The following ATP13A4 variants were observed in gnomAD, a reference collection of about 807,000 sequenced individuals.
The protein encoded by ATP13A4 is ATPase 13A4.
In ATP13A4, 114 loss-of-function variants were observed where a neutral mutation model predicts 142.5. The ratio of observed to expected loss-of-function variants is 0.80; its 90% CI spans 0.69 to 0.93. The LOEUF (loss-of-function observed/expected upper bound fraction) is 0.93, where lower values mean the gene tolerates loss of function less well. ATP13A4 is among the 40% of genes least tolerant of loss of function. ATP13A4 has a pLI of 0.00. For synonymous variants in ATP13A4, 488 were observed against 514.8 expected (o/e 0.95, Z 0.70); for missense variants, 1,392 against 1,454.0 (o/e 0.96, Z 0.69).
At chr3:193,516,778 TGCA>T (rs1560249068) in intron 1 of ATP13A4, among the ~76,000 whole-genome samples, 2 of 152,224 alleles carry the variant, frequency 1.3e-5, no homozygotes, top group African/African-American at 2.4e-5. Context: ...TCTGTTACTA[TGCA>T]TTCTTTTTTG....
chr3:193,438,059 C>G (rs999595006), intron 23 of ATP13A4, among the ~76,000 whole-genome samples: 3 of 152,080 alleles, frequency 2.0e-5, no homozygotes, highest in African/African-American at 4.8e-5. Flanking sequence ...GTCTCAATCT[C>G]CTGACCTCGT....
At chr3:193,417,195 T>C (rs1000496343) in intron 25 of ATP13A4, 1 of 152,202 alleles carries the variant, frequency 6.6e-6, no homozygotes, top group African/African-American at 2.4e-5. Context: ...GAGTTTGTTA[T>C]CAGTAACCCT....
intron 25 of ATP13A4, among the ~76,000 whole-genome samples, chr3:193,420,953 G>T (rs1163156687): frequency 1.3e-5 from 2 of 149,540 alleles, no homozygotes; most frequent in Admixed American, 1.4e-4. Context: ...AGCATTATGG[G>T]ATTGCCAGAT....
chr3:193,512,124 G>A (rs1305463528), intron 2 of ATP13A4, among the ~76,000 whole-genome samples: 1 of 152,168 alleles, frequency 6.6e-6, no homozygotes, highest in Non-Finnish European at 1.5e-5. Flanking sequence ...GGCAGAGCGT[G>A]GTTCTGTTTC....
At chr3:193,478,124 C>A (rs1004198648) in intron 8 of ATP13A4, among the ~76,000 whole-genome samples, 2 of 151,930 alleles carry the variant, frequency 1.3e-5, no homozygotes, top group African/African-American at 2.4e-5. Flanking sequence ...AGGTTCAACA[C>A]AATACCAATA....
At chr3:193,489,350 T>C (rs1352224866) in intron 7 of ATP13A4, among the ~76,000 whole-genome samples, 1 of 152,082 alleles carries the variant, frequency 6.6e-6, no homozygotes, top group Non-Finnish European at 1.5e-5. Flanking sequence ...CAGCCAAACA[T>C]AAACAGCAAA....
At chr3:193,459,378 T>C (rs531237587) in intron 13 of ATP13A4, 147 bp from the exon 14 acceptor site, 4 of 1,070,976 alleles carry the variant, frequency 3.7e-6, no homozygotes, top group South Asian at 1.4e-5. Flanking sequence ...ACATTAATAG[T>C]GCTTCATTCA....
At chr3:193,546,850 G>A (rs1723257295) in intron 1 of ATP13A4, among the ~76,000 whole-genome samples, 1 of 152,182 alleles carries the variant, frequency 6.6e-6, no homozygotes, top group Non-Finnish European at 1.5e-5. Flanking sequence ...TCATAAAAGA[G>A]AGATGACAGT....
chr3:193,419,305 C>T lies in ATP13A4; in HGVS notation c.2843-4555G>A, dbSNP rs377607513. On this transcript the variant is annotated intron_variant, in intron 25 of 29. Transcript: ENST00000342695. The stretch of plus-strand genomic sequence containing the variant: ...CCTTCTGAGTCCCTGCTGTGCCCTG[C>T]CCCTTGGAGCTTGAGATGACGCTGT... 1.6e-4 allele frequency among the ~76,000 whole-genome samples: 24 copies of T among 150,318 alleles called. 1 individual carries two copies. In the South Asian group the frequency reaches 4.8e-3, roughly 30 times the overall value.
chr3:193,504,020 T>TGTGTGTGTGTGTGTGTGTGAGA lies in ATP13A4; in HGVS notation c.235-1382_235-1381insTCTCACACACACACACACACAC, dbSNP rs1034644341. 7.4e-4 allele frequency among the ~76,000 whole-genome samples: 107 copies of TGTGTGTGTGTGTGTGTGTGAGA among 144,314 alleles called. 1 individual carries two copies. The highest frequency in any genetic ancestry group is 1.3e-3 in the Non-Finnish European group (84 of 66,010). 94.7% of individuals were successfully genotyped at this position (144,314 alleles called of 152,430 possible). A position where few individuals can be genotyped will look rare whatever the true frequency, so the allele number is the denominator to read the frequency against. The stretch of plus-strand genomic sequence containing the variant: ...ATGTGTGTGTGTGTGTGTGTGTGTG[T>TGTGTGTGTGTGTGTGTGTGAGA]GAGAGAGAGAGAGAGAGAGAGAAAG... On this transcript the variant is annotated intron_variant, in intron 2 of 29. Transcript: ENST00000342695.
chr3:193,491,947 T>C (rs1719968273), intron 5 of ATP13A4, among the ~76,000 whole-genome samples: 1 of 152,204 alleles, frequency 6.6e-6, no homozygotes, highest in African/African-American at 2.4e-5. Context: ...AACCCAGAGA[T>C]GTGTTTCTTT....
chr3:193,412,216 G>C lies in ATP13A4; in HGVS notation c.3170C>G (p.Ser1057Cys). 6.2e-7 allele frequency: 1 copy of C among 1,613,078 alleles called. No homozygotes were observed. Among genetic ancestry groups the C allele is most frequent in the Non-Finnish European group, 8.5e-7 (1 of 1,179,094 alleles). The change falls in exon 27 of 30, where the codon TCT becomes TGT. Residue 1057 changes from serine (S) to cysteine (C), a missense_variant. By Grantham distance (112) the Ser-to-Cys change is moderately radical. Transcript: ENST00000342695. ...TGGCTGTCTAAATGGTTTTCCTTTA[G>C]AGAACACAAGAGCCACAGTGATACA... ...INCITVALVF[S>C]KGKPFRQPTY...
intron 9 of ATP13A4, among the ~76,000 whole-genome samples, chr3:193,470,639 A>T (rs1051090623): frequency 6.6e-6 from 1 of 152,238 alleles, no homozygotes; most frequent in African/African-American, 2.4e-5. Flanking sequence ...AAAACTTATT[A>T]TTGTATCAAA....
chr3:193,531,357 A>AGGAG (rs1312543723), intron 1 of ATP13A4, among the ~76,000 whole-genome samples: 2 of 43,022 alleles, frequency 4.6e-5, no homozygotes. Context: ...AGAGGGAGGG[A>AGGAG]GGAGGGAGGG....
chr3:193,458,895 G>A, intron 14 of ATP13A4, 186 bp downstream of exon 14: 2 of 742,634 alleles, frequency 2.7e-6, no homozygotes, highest in Non-Finnish European at 4.7e-6. Flanking sequence ...ATCTCATTAT[G>A]TAGATGCTAT....
At chr3:193,417,938 C>G (rs375602732) in intron 25 of ATP13A4, among the ~76,000 whole-genome samples, 2 of 145,492 alleles carry the variant, frequency 1.4e-5, no homozygotes, top group African/African-American at 5.1e-5. Flanking sequence ...CCGGCTAAAA[C>G]GGTGAAACCC....
At chr3:193,503,560 T>A (rs576142215) in intron 2 of ATP13A4, among the ~76,000 whole-genome samples, 1 of 152,220 alleles carries the variant, frequency 6.6e-6, no homozygotes, top group South Asian at 2.1e-4. Flanking sequence ...GAAATGTAGG[T>A]CAGAGCTGGA....
At chr3:193,548,948 C>T (rs1267257718) in intron 1 of ATP13A4, among the ~76,000 whole-genome samples, 2 of 152,138 alleles carry the variant, frequency 1.3e-5, no homozygotes, top group Admixed American at 1.3e-4. Flanking sequence ...TAGTTGAAAA[C>T]ATATAAATGC....
chr3:193,457,487 T>C (rs1276433883), intron 14 of ATP13A4, 22 bp from the exon 15 acceptor site: 1 of 1,599,030 alleles, frequency 6.3e-7, no homozygotes, highest in East Asian at 2.2e-5. Flanking sequence ...ATAGGATATT[T>C]CATTGCAGAG....
Sources: allele counts gnomAD v4.1 joint callset (sites outside exome capture counted in the v4.1 genomes callset), GRCh38; gene constraint gnomAD v4.1.1; transcripts MANE v1.5; gene names NCBI Gene and HGNC (gene_info 2026-07-23, HGNC 2026-07-21).